The following AGBL1 variants were observed in gnomAD, a reference collection of about 807,000 sequenced individuals.
AGBL1 encodes AGBL carboxypeptidase 1.
In AGBL1, 130 loss-of-function variants were observed where a neutral mutation model predicts 118.9. The ratio of observed to expected loss-of-function variants is 1.09; its 90% CI spans 0.95 to 1.26. The LOEUF is 1.26. AGBL1 is among the 50% of genes most tolerant of loss of function. The pLI, the probability that AGBL1 is intolerant of heterozygous loss-of-function variation, is 0.00. For synonymous variants in AGBL1, 555 were observed against 478.9 expected, an observed-to-expected ratio of 1.16 and a Z score of -2.08; for missense variants, 1,584 against 1,298.1, an observed-to-expected ratio of 1.22 and a Z score of -3.38.
At chr15:86,810,416 C>G (rs1191175083) in intron 22 of AGBL1, among the ~76,000 whole-genome samples, 1 of 152,150 alleles carries the variant, frequency 6.6e-6, no homozygotes, top group Non-Finnish European at 1.5e-5. Context: ...CCATCACTCT[C>G]TCTTCCTCTG....
intron 17 of AGBL1, among the ~76,000 whole-genome samples, chr15:86,331,006 A>C (rs574713911): frequency 4.6e-5 from 7 of 152,224 alleles, no homozygotes; most frequent in Admixed American, 6.5e-5. Flanking sequence ...CAGGTGGATC[A>C]TGATGTCAGG....
At chr15:86,435,687 G>A (rs1203696514) in intron 18 of AGBL1, among the ~76,000 whole-genome samples, 2 of 152,098 alleles carry the variant, frequency 1.3e-5, no homozygotes, top group African/African-American at 4.8e-5. Context: ...GGGCTCTGGA[G>A]CCAGAATTCT....
intron 5 of AGBL1, among the ~76,000 whole-genome samples, chr15:86,221,308 T>G (rs556610265): frequency 6.6e-6 from 1 of 152,282 alleles, no homozygotes; most frequent in East Asian, 1.9e-4. Flanking sequence ...AGTCTTGCAC[T>G]CCAAAGGCAC....
chr15:86,410,518 G>C (rs1226334670), intron 18 of AGBL1, among the ~76,000 whole-genome samples: 1 of 151,718 alleles, frequency 6.6e-6, no homozygotes, highest in Non-Finnish European at 1.5e-5. Context: ...CTTTTTAAGG[G>C]AGTAGTAAGC....
At chr15:86,691,843 G>A (rs1000728341) in intron 22 of AGBL1, among the ~76,000 whole-genome samples, 3 of 152,000 alleles carry the variant, frequency 2.0e-5, no homozygotes, top group African/African-American at 4.8e-5. Flanking sequence ...CAAGGGCCAC[G>A]GGACTGCATG....
At chr15:86,214,880 C>T (rs1218593735) in intron 5 of AGBL1, among the ~76,000 whole-genome samples, 1 of 152,194 alleles carries the variant, frequency 6.6e-6, no homozygotes, top group African/African-American at 2.4e-5. Flanking sequence ...TGTTCGTAAC[C>T]AAACCAGTCT....
At chr15:86,552,889 A>G (rs531369608) in intron 20 of AGBL1, among the ~76,000 whole-genome samples, 16 of 152,052 alleles carry the variant, frequency 1.1e-4, no homozygotes, top group Non-Finnish European at 2.2e-4. Flanking sequence ...GTAGGAATTT[A>G]GAGATCATAG....
chr15:86,849,282 G>A (rs369964799), intron 22 of AGBL1, among the ~76,000 whole-genome samples: 1 of 152,148 alleles, frequency 6.6e-6, no homozygotes, highest in Non-Finnish European at 1.5e-5. Context: ...CAAGTCCCTC[G>A]GAAGAGTCCC....
chr15:86,388,626 T>C (rs571414891), intron 17 of AGBL1, among the ~76,000 whole-genome samples: 2 of 152,282 alleles, frequency 1.3e-5, no homozygotes, highest in African/African-American at 4.8e-5. Context: ...TGGTACTTCT[T>C]CCCTCACTAT....
chr15:87,016,918 C>T (rs2081612775), intron 24 of AGBL1, among the ~76,000 whole-genome samples: 1 of 152,186 alleles, frequency 6.6e-6, no homozygotes, highest in Non-Finnish European at 1.5e-5. Context: ...AGAGCAGCCA[C>T]TGGGGCACAC....
intron 21 of AGBL1, among the ~76,000 whole-genome samples, chr15:86,637,783 A>G (rs2085121521): frequency 6.6e-6 from 1 of 152,102 alleles, no homozygotes; most frequent in Admixed American, 6.6e-5. Flanking sequence ...GAAGGAACAC[A>G]CCAGACTGTT....
chr15:86,577,796 C>G (rs967193085), intron 21 of AGBL1, among the ~76,000 whole-genome samples: 19 of 151,804 alleles, frequency 1.3e-4, no homozygotes, highest in African/African-American at 4.6e-4. Flanking sequence ...TTGGCAGCTT[C>G]CACGTGGTGT....
chr15:86,116,525 G>C (rs1255883261), intron 1 of AGBL1: 4 of 152,224 alleles, frequency 2.6e-5, no homozygotes, highest in Admixed American at 2.6e-4. Context: ...GGTGGGCATA[G>C]TCTAATCTGT....
chr15:86,892,595 C>A (rs2080067536), intron 22 of AGBL1, among the ~76,000 whole-genome samples: 1 of 152,096 alleles, frequency 6.6e-6, no homozygotes, highest in African/African-American at 2.4e-5. Context: ...ATAAGATCTA[C>A]CCCATAGATT....
intron 22 of AGBL1, among the ~76,000 whole-genome samples, chr15:86,751,426 T>C (rs1201430203): frequency 1.3e-5 from 2 of 152,120 alleles, no homozygotes; most frequent in Non-Finnish European, 2.9e-5. Context: ...ATAACAACTC[T>C]GGAAGACAAC....
chr15:86,723,444 G>A (rs2086766211), intron 22 of AGBL1, among the ~76,000 whole-genome samples: 3 of 152,118 alleles, frequency 2.0e-5, no homozygotes, highest in African/African-American at 7.2e-5. Context: ...TCCTAGGTGG[G>A]AATTGAACAA....
At chr15:86,708,300 G>C (rs2086489675) in intron 22 of AGBL1, among the ~76,000 whole-genome samples, 1 of 152,100 alleles carries the variant, frequency 6.6e-6, no homozygotes, top group South Asian at 2.1e-4. Context: ...CATAAGGTTA[G>C]TGTCCTTGTA....
Position 86,095,503 on chromosome 15 carries a change from G to A in AGBL1, c.51+15480G>A, listed in dbSNP as rs142958255. Among the ~76,000 whole-genome samples the A allele has an allele frequency of 9.7e-3, 1,479 of 152,112 alleles. 8 individuals carry two copies. Among genetic ancestry groups the A allele is most frequent in the Non-Finnish European group, 0.015 (1,039 of 67,986 alleles). The stretch of plus-strand genomic sequence containing the variant: ...AAGGGTCTTAGAAGCTCTGTGTCAG[G>A]GACCAGGGACTAAGACCAAATATTA... On this transcript the variant is annotated intron_variant, in intron 1 of 22. Transcript: ENST00000614907.
chr15:86,549,915 A>C (rs2083642095), intron 20 of AGBL1, among the ~76,000 whole-genome samples: 1 of 150,794 alleles, frequency 6.6e-6, no homozygotes. Context: ...GAAGGAAGGA[A>C]GGAAGGAAGG....
Sources: gnomAD v4.1 joint callset for allele counts (sites outside exome capture counted in the v4.1 genomes callset) on GRCh38, gnomAD v4.1.1 for gene constraint, MANE v1.5 for transcripts, NCBI Gene and HGNC (gene_info 2026-07-23, HGNC 2026-07-21) for gene names.